DYSF: variants seen among roughly 807,000 people sequenced by gnomAD.
The protein encoded by DYSF is dysferlin.
DYSF carries 212 observed loss-of-function variants against 274.9 expected under a neutral mutation model. That is an observed-to-expected ratio of 0.77 (90% CI 0.69 to 0.86). The LOEUF (loss-of-function observed/expected upper bound fraction) is 0.86, where lower values mean the gene tolerates loss of function less well. Ranked by LOEUF, DYSF falls within the 40% of genes least tolerant of loss-of-function variation. The probability of loss-of-function intolerance (pLI) is 0.00; values close to 1 mark genes in which losing one functional copy is unlikely to be tolerated. For synonymous variants in DYSF, 1,091 were observed against 1,078.7 expected, an observed-to-expected ratio of 1.01 and a Z score of -0.22; for missense variants, 2,666 against 2,783.2, an observed-to-expected ratio of 0.96 and a Z score of 0.95.
chr2:71,660,288 G>A lies in DYSF; in HGVS notation c.4912-272G>A, dbSNP rs535613151. Reference sequence around the variant, plus strand: ...ATGCAGACTGTTGTGTTTCTGATAAGGGCCTGGCCTCTCCCAATGGAGCAG... The same window carrying A: ...ATGCAGACTGTTGTGTTTCTGATAAAGGCCTGGCCTCTCCCAATGGAGCAG... On this transcript the variant is annotated intron_variant, in intron 44 of 55. Coordinates refer to ENST00000410020, the MANE Select transcript of DYSF (RefSeq NM_001130987.2). Among the ~76,000 whole-genome samples, 15 of 152,324 alleles carry A rather than the reference G, an allele frequency of 9.8e-5. 1 individual carries two copies. The South Asian group carries it at 2.5e-3, about 25-fold the overall frequency.
At chr2:71,610,984 G>T in intron 36 of DYSF, 2 of 523,314 alleles carry the variant, frequency 3.8e-6, no homozygotes, top group Non-Finnish European at 7.0e-6. Context: ...TATGGGAGGA[G>T]GGGTGACGGG....
intron 52 of DYSF, among the ~76,000 whole-genome samples, chr2:71,677,781 G>T (rs916198898): frequency 6.6e-6 from 1 of 152,174 alleles, no homozygotes; most frequent in African/African-American, 2.4e-5. Context: ...AAACTGTTTG[G>T]CAGTTCCTTG....
upstream of DYSF, among the ~76,000 whole-genome samples, chr2:71,465,961 G>A (rs2081505787): frequency 6.6e-6 from 1 of 152,206 alleles, no homozygotes; most frequent in African/African-American, 2.4e-5. Flanking sequence ...AGAATGGGCC[G>A]CAGCTGGACC....
At chr2:71,587,103 T>C (rs1018706131) in intron 30 of DYSF, among the ~76,000 whole-genome samples, 4 of 152,232 alleles carry the variant, frequency 2.6e-5, no homozygotes, top group Admixed American at 2.6e-4. Flanking sequence ...CTAAGAGGCC[T>C]GCTGGGCCTC....
At chr2:71,485,691 C>G (rs2083304561) in intron 3 of DYSF, among the ~76,000 whole-genome samples, 1 of 152,114 alleles carries the variant, frequency 6.6e-6, no homozygotes, top group South Asian at 2.1e-4. Flanking sequence ...CAAAGACAAG[C>G]AGCAATACAA....
intron 32 of DYSF, among the ~76,000 whole-genome samples, chr2:71,598,100 A>G (rs1160974094): frequency 6.6e-6 from 1 of 152,216 alleles, no homozygotes; most frequent in Non-Finnish European, 1.5e-5. Context: ...TCTGACCCAA[A>G]TTGTAATTTT....
intron 17 of DYSF, among the ~76,000 whole-genome samples, chr2:71,541,455 TTC>T (rs1172007040): frequency 6.6e-6 from 1 of 152,172 alleles, no homozygotes; most frequent in South Asian, 2.1e-4. Flanking sequence ...ATTTGAATAA[TTC>T]TCTCTACCTG....
At chr2:71,571,612 GCA>G (rs1486274681) in intron 29 of DYSF, among the ~76,000 whole-genome samples, 15 of 96,346 alleles carry the variant, frequency 1.6e-4, no homozygotes, top group African/African-American at 5.2e-4. Flanking sequence ...CTCACACCCA[GCA>G]CACACACAGA....
At chr2:71,453,781 G>A in exon 1 of DYSF, 1 of 594,074 alleles carries the variant, frequency 1.7e-6, no homozygotes, top group South Asian at 1.9e-5. Context: ...CGGGGTGAGC[G>A]CAGCCGGGGC....
intron 1 of DYSF, among the ~76,000 whole-genome samples, chr2:71,477,357 G>T (rs6753959): frequency 0.091 from 13,883 of 152,058 alleles, 908 homozygotes; most frequent in African/African-American, 0.18. Context: ...CTCCTGGGGT[G>T]CAGGCTTTAG....
intron 41 of DYSF, among the ~76,000 whole-genome samples, chr2:71,640,932 T>A (rs72904623): frequency 6.6e-6 from 1 of 152,130 alleles, no homozygotes; most frequent in African/African-American, 2.4e-5. Context: ...CATTGAGATC[T>A]TTTCCACTTT....
intron 48 of DYSF, 66 bp downstream of exon 48, chr2:71,667,581 A>G (rs1295840298): frequency 3.1e-6 from 5 of 1,603,362 alleles, no homozygotes; most frequent in Non-Finnish European, 3.4e-6. Context: ...CAGGGACAAC[A>G]TGGATATCCC....
intron 1 of DYSF, among the ~76,000 whole-genome samples, chr2:71,467,813 A>G (rs2081647370): frequency 6.6e-6 from 1 of 152,186 alleles, no homozygotes; most frequent in Non-Finnish European, 1.5e-5. Flanking sequence ...GATAATAATA[A>G]TAATAAAAAT....
chr2:71,526,083 G>A (rs1032335767), intron 12 of DYSF, 137 bp from the exon 13 acceptor site: 44 of 1,487,330 alleles, frequency 3.0e-5, no homozygotes, highest in Non-Finnish European at 3.8e-5. Context: ...GAGACCACGC[G>A]GTAGTAAGTG....
intron 30 of DYSF, among the ~76,000 whole-genome samples, chr2:71,587,240 C>T (rs1361161759): frequency 6.6e-6 from 1 of 152,104 alleles, no homozygotes; most frequent in East Asian, 1.9e-4. Context: ...AAACGCCTCT[C>T]CTGGCAGGGG....
intron 47 of DYSF, among the ~76,000 whole-genome samples, chr2:71,667,075 C>T (rs920319070): frequency 6.6e-6 from 1 of 152,122 alleles, no homozygotes; most frequent in Non-Finnish European, 1.5e-5. Flanking sequence ...AAGAAGTAGG[C>T]TTTGGAGACA....
At chr2:71,535,199 C>T (rs894171610) in intron 15 of DYSF, 69 bp from the exon 16 acceptor site, 40 of 1,597,406 alleles carry the variant, frequency 2.5e-5, no homozygotes, top group African/African-American at 8.0e-5. Context: ...GACTTCAGCT[C>T]GGGGTAGGGA....
rs370743209 is a variant in DYSF, at chr2:71,539,878, T to A, written c.1576+639T>A. Among the ~76,000 whole-genome samples, 4 of 152,332 alleles carry A rather than the reference T, an allele frequency of 2.6e-5. No homozygotes were observed. The South Asian group carries it at 8.3e-4, about 32-fold the overall frequency. ...AGATATCTTTTCCTGTTATTAAAAG[T>A]TCTTCTATAATACAATTTTAAGTGA... On this transcript the variant is annotated intron_variant, in intron 17 of 55. Coordinates refer to ENST00000410020, the MANE Select transcript of DYSF (RefSeq NM_001130987.2).
intron 30 of DYSF, among the ~76,000 whole-genome samples, chr2:71,587,202 T>C (rs1331753062): frequency 6.6e-6 from 1 of 152,114 alleles, no homozygotes; most frequent in Non-Finnish European, 1.5e-5. Context: ...CTCCCTCCAG[T>C]GGGTTGCCAG....
Sources: allele counts gnomAD v4.1 joint callset (sites outside exome capture counted in the v4.1 genomes callset), GRCh38; gene constraint gnomAD v4.1.1; transcripts MANE v1.5; gene names NCBI Gene and HGNC (gene_info 2026-07-23, HGNC 2026-07-21).